The following CCDC30 variants were observed in gnomAD, a reference collection of about 807,000 sequenced individuals.
CCDC30 encodes the protein coiled-coil domain containing 30, also known as coiled-coil domain-containing protein 30.
In CCDC30, 70 loss-of-function variants were observed where a neutral mutation model predicts 100.2. The observed-to-expected ratio is 0.70, with a 90% CI of 0.58 to 0.85. CCDC30 has a LOEUF of 0.85. Ranked by LOEUF, CCDC30 falls within the 40% of genes least tolerant of loss-of-function variation. The pLI is 0.00. For synonymous variants in CCDC30, 233 were observed against 269.5 expected (o/e 0.86, Z 1.33); for missense variants, 652 against 771.2 (o/e 0.85, Z 1.83).
chr1:42,582,754 C>G (rs532930396), intron 9 of CCDC30, among the ~76,000 whole-genome samples: 1 of 152,186 alleles, frequency 6.6e-6, no homozygotes, highest in Non-Finnish European at 1.5e-5. Flanking sequence ...CTTCCTCCTC[C>G]TCTTGGTAGC....
At chr1:42,526,733 G>A (rs1481835587) in intron 6 of CCDC30, among the ~76,000 whole-genome samples, 1 of 151,684 alleles carries the variant, frequency 6.6e-6, no homozygotes, top group Non-Finnish European at 1.5e-5. Context: ...GTTTTCCTGG[G>A]GTGCTTTAGT....
At chr1:42,605,646 TTTA>T (rs993698354) in intron 10 of CCDC30, among the ~76,000 whole-genome samples, 3 of 151,830 alleles carry the variant, frequency 2.0e-5, no homozygotes, top group African/African-American at 7.2e-5. Context: ...GCCTGGCTAT[TTTA>T]TTATTATTAT....
upstream of CCDC30, chr1:42,460,372 A>T: frequency 2.0e-6 from 2 of 987,404 alleles, no homozygotes; most frequent in Non-Finnish European, 2.4e-6. Flanking sequence ...AAAAAAATCA[A>T]GTGCAATAAA....
intron 6 of CCDC30, among the ~76,000 whole-genome samples, chr1:42,540,103 A>C (rs936764442): frequency 6.6e-6 from 1 of 152,178 alleles, no homozygotes; most frequent in Admixed American, 6.5e-5. Flanking sequence ...TTAAGGAGCA[A>C]AGTCTTGAAT....
intron 10 of CCDC30, among the ~76,000 whole-genome samples, chr1:42,609,605 C>T (rs1646577351): frequency 6.6e-6 from 1 of 152,096 alleles, no homozygotes; most frequent in Admixed American, 6.5e-5. Context: ...TTCAATATGG[C>T]AGTCCCAAAG....
chr1:42,622,421 T>A (rs1646856330), intron 11 of CCDC30, among the ~76,000 whole-genome samples: 2 of 152,234 alleles, frequency 1.3e-5, no homozygotes, highest in South Asian at 4.1e-4. Context: ...ATCTCTTCGA[T>A]ATACTGATTT....
intron 11 of CCDC30, among the ~76,000 whole-genome samples, chr1:42,628,461 T>C (rs1245992011): frequency 6.6e-6 from 1 of 152,156 alleles, no homozygotes; most frequent in East Asian, 1.9e-4. Context: ...TGTGAGGACA[T>C]GAGATTTGGA....
Position 42,542,544 on chromosome 1 carries a change from T to TTTTTTTC in CCDC30, c.457-23746_457-23745insCTTTTTT, listed in dbSNP as rs1645033704. Among the ~76,000 whole-genome samples, 9 of 94,206 alleles carry TTTTTTTC rather than the reference T, an allele frequency of 9.6e-5. 1 individual carries two copies. The South Asian group carries it at 3.6e-3, about 38-fold the overall frequency. The allele number at this position is 94,206 out of a possible 152,430, so 61.8% of individuals were successfully genotyped here. The stretch of plus-strand genomic sequence containing the variant: ...CTGGCTAATTTTAAATTTTTCTTTT[T>TTTTTTTC]TTTTTTTTTTTTTTTTTGAGACGGA... On this transcript the variant is annotated intron_variant, in intron 6 of 16. Coordinates refer to ENST00000668663, the Ensembl canonical transcript of CCDC30.
intron 11 of CCDC30, among the ~76,000 whole-genome samples, chr1:42,618,393 C>A (rs373682630): frequency 6.6e-6 from 1 of 152,002 alleles, no homozygotes; most frequent in Non-Finnish European, 1.5e-5. Context: ...TGTGCCACCA[C>A]GCCCAGCTAA....
In CCDC30 at chr1:42,562,611, T is replaced by A. The variant is rs903424262; in HGVS notation, c.457-3685T>A. Among the ~76,000 whole-genome samples the A allele has an allele frequency of 2.0e-5, 3 of 151,846 alleles. No individual in the cohort carries two copies. The East Asian group carries it at 5.8e-4, about 29-fold the overall frequency. ...AAAAGCCAAAATTGACAAAATGAGA[T>A]CTAATTAAACTAAAGAGCTTCTGCA... On this transcript the variant is annotated intron_variant, in intron 6 of 16. Transcript: ENST00000668663.
intron 10 of CCDC30, chr1:42,590,206 AGAAGCT>A (rs1646158116): frequency 6.6e-6 from 1 of 152,248 alleles, no homozygotes; most frequent in Non-Finnish European, 1.5e-5. Flanking sequence ...GTCCCTCACC[AGAAGCT>A]GACCAGATGC....
At chr1:42,492,959 T>TA (rs1307977439) in intron 4 of CCDC30, among the ~76,000 whole-genome samples, 4 of 152,122 alleles carry the variant, frequency 2.6e-5, no homozygotes, top group Non-Finnish European at 5.9e-5. Context: ...AAGATATTTA[T>TA]AAAAAGACCA....
At chr1:42,579,627 T>G (rs928354099) in intron 8 of CCDC30, among the ~76,000 whole-genome samples, 3 of 150,562 alleles carry the variant, frequency 2.0e-5, no homozygotes, top group Non-Finnish European at 4.4e-5. Flanking sequence ...AGAGCGAAAC[T>G]CTGTCTCAAA....
At chr1:42,460,736 C>T (rs1643388515), upstream of CCDC30, among the ~76,000 whole-genome samples, 1 of 152,118 alleles carries the variant, frequency 6.6e-6, no homozygotes, top group Non-Finnish European at 1.5e-5. Flanking sequence ...TAAACTTAGG[C>T]ATTTGACTTA....
intron 6 of CCDC30, chr1:42,537,325 G>A (rs948691000): frequency 4.4e-6 from 2 of 451,686 alleles, no homozygotes; most frequent in Admixed American, 4.8e-5. Flanking sequence ...GTAATTTAGA[G>A]GATAGTGACA....
At chr1:42,611,020 C>T (rs1193335324) in exon 11 of CCDC30, 2 of 1,612,430 alleles carry the variant, frequency 1.2e-6, no homozygotes, top group Non-Finnish European at 1.7e-6. Flanking sequence ...GCTATCTAAG[C>T]TACAGCAAGA....
intron 10 of CCDC30, chr1:42,591,222 A>G (rs1646179815): frequency 6.6e-6 from 1 of 152,244 alleles, no homozygotes; most frequent in Admixed American, 6.5e-5. Flanking sequence ...GCCAAGTGCT[A>G]GTATCCAAGA....
intron 6 of CCDC30, among the ~76,000 whole-genome samples, chr1:42,561,529 C>T (rs1645487085): frequency 1.3e-5 from 2 of 152,138 alleles, no homozygotes; most frequent in Non-Finnish European, 2.9e-5. Flanking sequence ...TGGAAGCATT[C>T]CCTTTGAAAA....
chr1:42,484,540 TCCAC>T (rs1644018940), intron 3 of CCDC30, among the ~76,000 whole-genome samples: 1 of 152,160 alleles, frequency 6.6e-6, no homozygotes, highest in Non-Finnish European at 1.5e-5. Flanking sequence ...GAAAGCCATC[TCCAC>T]AGTGAGTCTA....
Sources: gnomAD v4.1 joint callset for allele counts (sites outside exome capture counted in the v4.1 genomes callset) on GRCh38, gnomAD v4.1.1 for gene constraint, MANE v1.5 for transcripts, NCBI Gene and HGNC (gene_info 2026-07-23, HGNC 2026-07-21) for gene names.